Variants in TMEM44 observed in about 807,000 individuals in gnomAD.
TMEM44 encodes transmembrane protein 44.
Under a neutral mutation model 47.8 loss-of-function variants are expected in TMEM44, and 43 were observed. That is an observed-to-expected ratio of 0.90 (90% CI 0.70 to 1.16). The LOEUF (loss-of-function observed/expected upper bound fraction) is 1.16. Ranked by LOEUF, TMEM44 falls within the 50% of genes most tolerant of loss-of-function variation. TMEM44 has a pLI of 0.00. For synonymous variants in TMEM44, 277 were observed against 238.8 expected (o/e 1.16, Z -1.48); for missense variants, 568 against 555.2 (o/e 1.02, Z -0.23).
intron 5 of TMEM44, among the ~76,000 whole-genome samples, chr3:194,621,663 C>G (rs1716549506): frequency 1.3e-5 from 2 of 152,188 alleles, no homozygotes; most frequent in South Asian, 4.1e-4. Context: ...ACCCTCCAGC[C>G]CTGAATCCTG....
rs1442506339 is a variant in TMEM44, at chr3:194,606,943, ACT to A, written c.1018-2500_1018-2499del. 1.4e-4 allele frequency among the ~76,000 whole-genome samples: 16 copies of A among 117,814 alleles called. No individual in the cohort carries two copies. The East Asian group carries it at 5.2e-3, about 38-fold the overall frequency. 77.3% of individuals were successfully genotyped at this position (117,814 alleles called of 152,430 possible). A position where few individuals can be genotyped will look rare whatever the true frequency, so the allele number is the denominator to read the frequency against. ...ACTCCAGCCTGGGCGACAGAGCGAG[ACT>A]CTGCCTCAAAAAAAAAAAGGAAAGA... is the stretch of plus-strand genomic sequence containing the variant. On this transcript the variant is annotated intron_variant, in intron 8 of 9. Coordinates refer to ENST00000347147, the MANE Select transcript of TMEM44 (RefSeq NM_001011655.3).
intron 8 of TMEM44, among the ~76,000 whole-genome samples, chr3:194,605,128 C>CTATG (rs561705819): frequency 6.7e-6 from 1 of 149,772 alleles, no homozygotes; most frequent in Non-Finnish European, 1.5e-5. Flanking sequence ...ATGTATCTAT[C>CTATG]TATGTATCTA....
rs1394393821 is a variant in TMEM44 at position 194,628,518 on chromosome 3, A to T, written c.138-9T>A. 3.1e-6 allele frequency: 5 copies of T among 1,610,916 alleles called. No homozygotes were observed. The African/African-American group carries it at 6.7e-5, about 22-fold the overall frequency. Reference sequence around the variant, plus strand: ...ATCTCAGATAGAGAAGCCTGGGGTGACAGGGGTGTGGACAGAACACAGCAA... The same window carrying T: ...ATCTCAGATAGAGAAGCCTGGGGTGTCAGGGGTGTGGACAGAACACAGCAA... On this transcript the variant is annotated splice_polypyrimidine_tract_variant and intron_variant, in intron 1 of 9. Transcript: ENST00000347147.
intron 7 of TMEM44, among the ~76,000 whole-genome samples, chr3:194,614,166 C>A (rs930596719): frequency 2.6e-5 from 4 of 152,002 alleles, no homozygotes; most frequent in African/African-American, 9.7e-5. Flanking sequence ...ACCAAAAAAA[C>A]CACAAGGAAT....
chr3:194,626,052 T>C lies in TMEM44; in HGVS notation c.265-62A>G, dbSNP rs145580675. ...CATCTTTCCTCAGCCCCTACAGAGTTTGTCATCCGGGACCCTGTATCACAT... is the reference window on the plus strand; with the variant it reads ...CATCTTTCCTCAGCCCCTACAGAGTCTGTCATCCGGGACCCTGTATCACAT... On this transcript the variant is annotated intron_variant, in intron 2 of 9. Transcript: ENST00000347147. The C allele has an allele frequency of 1.0e-5, 14 of 1,339,166 alleles. 1 individual carries two copies. The East Asian group carries it at 3.0e-4, about 29-fold the overall frequency. 83.0% of individuals were successfully genotyped at this position (1,339,166 alleles called of 1,614,324 possible). A position where few individuals can be genotyped will look rare whatever the true frequency, so the allele number is the denominator to read the frequency against.
intron 2 of TMEM44, among the ~76,000 whole-genome samples, chr3:194,626,405 T>C (rs1435996480): frequency 6.6e-6 from 1 of 152,206 alleles, no homozygotes; most frequent in East Asian, 1.9e-4. Context: ...CTTGAGACAG[T>C]ACATGGGCAG....
chr3:194,620,448 C>T (rs1228425737), intron 5 of TMEM44, among the ~76,000 whole-genome samples: 1 of 152,058 alleles, frequency 6.6e-6, no homozygotes, highest in Non-Finnish European at 1.5e-5. Context: ...TTTTCCAGGC[C>T]AGATTAGATT....
At chr3:194,617,465 G>A in intron 5 of TMEM44, 196 bp from the exon 6 acceptor site, 1 of 705,764 alleles carries the variant, frequency 1.4e-6, no homozygotes, top group Non-Finnish European at 2.3e-6. Context: ...CTCAGAACCT[G>A]GCTTCAACTT....
At chr3:194,597,262 A>C (rs1466514799) in intron 9 of TMEM44, 2 of 152,188 alleles carry the variant, frequency 1.3e-5, no homozygotes, top group African/African-American at 2.4e-5. Context: ...GGAAAAATTG[A>C]CTGGATGCTG....
intron 1 of TMEM44, 69 bp downstream of exon 1, chr3:194,633,010 G>A (rs1372920543): frequency 4.0e-6 from 6 of 1,513,434 alleles, no homozygotes; most frequent in East Asian, 2.6e-5. Context: ...CTAGGTTTCC[G>A]AGAGGGAGCA....
chr3:194,600,263 T>A lies in TMEM44; in HGVS notation c.1176+4024A>T, dbSNP rs188706657. On this transcript the variant is annotated intron_variant, in intron 9 of 9. Transcript: ENST00000347147. ...TGTACCACTACGCCAAGCTAATTTT[T>A]AAAATTTTTATTTTCAGTAGAGACG... 5.5e-4 allele frequency among the ~76,000 whole-genome samples: 84 copies of A among 152,060 alleles called. 2 individuals are homozygous for A. In the East Asian group the frequency reaches 0.011, roughly 20 times the overall value.
chr3:194,627,394 C>T (rs1254803706), intron 2 of TMEM44, among the ~76,000 whole-genome samples: 1 of 152,064 alleles, frequency 6.6e-6, no homozygotes, highest in Non-Finnish European at 1.5e-5. Flanking sequence ...CAGGAGGGCA[C>T]AACAGGTTTT....
At chr3:194,607,225 C>G (rs1714877020) in intron 8 of TMEM44, among the ~76,000 whole-genome samples, 2 of 152,052 alleles carry the variant, frequency 1.3e-5, no homozygotes, top group African/African-American at 4.8e-5. Flanking sequence ...CCATGTGAAG[C>G]CTGCTTGCCT....
intron 5 of TMEM44, among the ~76,000 whole-genome samples, chr3:194,619,648 T>G (rs931572822): frequency 6.6e-6 from 1 of 152,128 alleles, no homozygotes; most frequent in Admixed American, 6.5e-5. Context: ...ATGGCCAAAT[T>G]AGGAGCAGCT....
Position 194,617,089 on chromosome 3 carries a change from G to T in TMEM44, c.783+10C>A, listed in dbSNP as rs1385345768. On this transcript the variant is annotated intron_variant, in intron 6 of 9. Coordinates refer to ENST00000347147, the MANE Select transcript of TMEM44 (RefSeq NM_001011655.3). ...GCAAGCAGGGAGCTCCCCAGGCCTGGGGTGGATACAGCGAGGTCCAGTGCC... is the reference window on the plus strand; with the variant it reads ...GCAAGCAGGGAGCTCCCCAGGCCTGTGGTGGATACAGCGAGGTCCAGTGCC... The T allele has an allele frequency of 6.6e-7, 1 of 1,504,360 alleles. No individual in the cohort carries two copies. The highest frequency in any genetic ancestry group is 1.4e-5 in the African/African-American group (1 of 71,902). 93.2% of individuals were successfully genotyped at this position (1,504,360 alleles called of 1,614,324 possible).
intron 6 of TMEM44, 144 bp downstream of exon 6, chr3:194,616,955 G>T: frequency 1.1e-6 from 1 of 875,296 alleles, no homozygotes; most frequent in Non-Finnish European, 1.7e-6. Context: ...GTGTTTGCCT[G>T]CCCCAAGCTT....
intron 9 of TMEM44, among the ~76,000 whole-genome samples, chr3:194,595,626 A>ATTTTTTTTTTTTT (rs1183156467): frequency 6.9e-6 from 1 of 145,476 alleles, no homozygotes; most frequent in Non-Finnish European, 1.5e-5. Flanking sequence ...CTCATTCTCT[A>ATTTTTTTTTTTTT]TTTTTTTTTT....
At chr3:194,623,364 T>C in intron 4 of TMEM44, 54 bp from the exon 5 acceptor site, 2 of 1,545,568 alleles carry the variant, frequency 1.3e-6, no homozygotes, top group South Asian at 2.4e-5. Flanking sequence ...ACTGCCCATG[T>C]GCCCCAAGAA....
intron 5 of TMEM44, among the ~76,000 whole-genome samples, chr3:194,621,900 CG>C (rs1290256072): frequency 6.6e-6 from 1 of 152,136 alleles, no homozygotes; most frequent in Non-Finnish European, 1.5e-5. Flanking sequence ...TTAGTAGAGA[CG>C]GGGTTTCAGC....
Sources: allele counts gnomAD v4.1 joint callset (sites outside exome capture counted in the v4.1 genomes callset), GRCh38; gene constraint gnomAD v4.1.1; transcripts MANE v1.5; gene names NCBI Gene and HGNC (gene_info 2026-07-23, HGNC 2026-07-21).